MANBA: variants seen among roughly 807,000 people sequenced by gnomAD.
MANBA encodes beta-mannosidase.
In MANBA, 83 loss-of-function variants were observed where a neutral mutation model predicts 111.1. That is an observed-to-expected ratio of 0.75 (90% CI 0.63 to 0.90). The LOEUF is 0.90. MANBA is among the 40% of genes least tolerant of loss of function. The pLI is 0.00. For synonymous variants in MANBA, 370 were observed against 378.7 expected, an observed-to-expected ratio of 0.98 and a Z score of 0.27; for missense variants, 1,036 against 1,069.0, an observed-to-expected ratio of 0.97 and a Z score of 0.43.
intron 6 of MANBA, among the ~76,000 whole-genome samples, chr4:102,690,096 CT>C (rs1166394946): frequency 3.9e-5 from 6 of 151,910 alleles, no homozygotes; most frequent in Non-Finnish European, 7.4e-5. Flanking sequence ...TTTGCTCCAC[CT>C]TTTTCAGTAC....
chr4:102,722,049 A>G (rs1053281953), intron 4 of MANBA, among the ~76,000 whole-genome samples: 4 of 144,130 alleles, frequency 2.8e-5, no homozygotes, highest in African/African-American at 1.1e-4. Context: ...AAAAAAAAAA[A>G]AGAGAAAGAA....
intron 5 of MANBA, among the ~76,000 whole-genome samples, chr4:102,699,405 A>G (rs941405116): frequency 6.6e-6 from 1 of 152,020 alleles, no homozygotes; most frequent in Non-Finnish European, 1.5e-5. Flanking sequence ...TTGAATAGGA[A>G]TGGTGAGAGA....
intron 1 of MANBA, among the ~76,000 whole-genome samples, chr4:102,732,405 G>A (rs1723062939): frequency 6.6e-6 from 1 of 152,212 alleles, no homozygotes; most frequent in Non-Finnish European, 1.5e-5. Context: ...AAGTCAAGAA[G>A]GAAAAGCCAA....
In MANBA at chr4:102,673,933, T is replaced by C; in HGVS notation, c.1098A>G (p.Arg366=). ...CAATAACTTACAACTCAGAGGTTAC[T>C]CGGTCCTGGAATGAATCTGCTGGGA... is the stretch of plus-strand genomic sequence containing the variant. ...NWIPADSFQD[R]VTSELLRLLL... The change falls in exon 8 of 17, where the codon CGA becomes CGG. Residue 366 remains arginine, a synonymous_variant. Coordinates refer to ENST00000647097, the MANE Select transcript of MANBA (RefSeq NM_005908.4). 6.2e-7 allele frequency: 1 copy of C among 1,611,032 alleles called. No individual in the cohort carries two copies. The highest frequency in any genetic ancestry group is 1.1e-5 in the South Asian group (1 of 91,008).
rs753761337 is a variant in MANBA at position 102,689,604 on chromosome 4, A to G, written c.930T>C (p.Asp310=). Residue 310 remains aspartate (D), a synonymous_variant, in exon 7 of 17, where the codon GAT becomes GAC. Transcript: ENST00000647097. ...CTGATTTTTCAATATTTAAGCCTCC[A>G]TCCAGTTCAAAAAGAACAGTCATGT... is the stretch of plus-strand genomic sequence containing the variant. ...GYNMTVLFEL[D]GGLNIEKSAK... 3 of 1,607,328 alleles carry G rather than the reference A, an allele frequency of 1.9e-6. No individual in the cohort carries two copies. The South Asian group carries it at 3.3e-5, about 18-fold the overall frequency.
chr4:102,700,642 G>A (rs1291145211), intron 5 of MANBA, among the ~76,000 whole-genome samples: 1 of 152,158 alleles, frequency 6.6e-6, no homozygotes, highest in East Asian at 1.9e-4. Flanking sequence ...GGAGCAGGTT[G>A]TTCAGTTTCC....
At chr4:102,708,009 G>A (rs1350681068) in intron 5 of MANBA, among the ~76,000 whole-genome samples, 1 of 152,024 alleles carries the variant, frequency 6.6e-6, no homozygotes, top group African/African-American at 2.4e-5. Context: ...CCAGATTCAT[G>A]AAGCAAATAT....
chr4:102,686,597 A>G (rs922552678), intron 7 of MANBA, among the ~76,000 whole-genome samples: 1 of 152,154 alleles, frequency 6.6e-6, no homozygotes. Flanking sequence ...TTGCCACCAA[A>G]TCTAAAGAAT....
Position 102,723,977 on chromosome 4 carries a change from AG to A in MANBA, c.273-11del, listed in dbSNP as rs747141388. 12 of 1,513,880 alleles carry A rather than the reference AG, an allele frequency of 7.9e-6. No individual in the cohort carries two copies. The African/African-American group carries it at 1.4e-4, about 17-fold the overall frequency. The allele number at this position is 1,513,880 out of a possible 1,614,324, so 93.8% of individuals were successfully genotyped here. A position where few individuals can be genotyped will look rare whatever the true frequency, so the allele number is the denominator to read the frequency against. On this transcript the variant is annotated splice_polypyrimidine_tract_variant and intron_variant, in intron 2 of 16. Transcript: ENST00000647097. ...TACTTTTTGCCATTTGCTAAAAAAA[AG>A]AAAAGATTTTTAAAACAAGATGTGT...
intron 1 of MANBA, chr4:102,729,863 G>C: frequency 6.6e-7 from 1 of 1,506,954 alleles, no homozygotes; most frequent in Admixed American, 1.7e-5. Context: ...CTATGAAGGA[G>C]GCAAACTTGT....
chr4:102,655,296 GCA>G (rs1730514448), intron 12 of MANBA, among the ~76,000 whole-genome samples: 3 of 152,000 alleles, frequency 2.0e-5, no homozygotes, highest in African/African-American at 7.2e-5. Context: ...TAGCTTTTCT[GCA>G]GAAATTGGCA....
intron 5 of MANBA, among the ~76,000 whole-genome samples, chr4:102,697,503 C>T (rs1182876416): frequency 1.8e-5 from 2 of 113,708 alleles, no homozygotes; most frequent in Non-Finnish European, 3.5e-5. Flanking sequence ...GCTATCCCTC[C>T]CCCCTCCCCC....
At chr4:102,640,900 C>T (rs1729852092) in intron 13 of MANBA, among the ~76,000 whole-genome samples, 1 of 152,046 alleles carries the variant, frequency 6.6e-6, no homozygotes, top group East Asian at 1.9e-4. Context: ...AAATTGTGGT[C>T]AGTCAATAAA....
At chr4:102,745,915 G>A (rs537657663) in intron 1 of MANBA, among the ~76,000 whole-genome samples, 1 of 152,302 alleles carries the variant, frequency 6.6e-6, no homozygotes, top group South Asian at 2.1e-4. Context: ...ACCTCTAGGG[G>A]TCTGCTGGGA....
chr4:102,650,414 T>C lies in MANBA; in HGVS notation c.1869+123A>G, dbSNP rs1730279379. On this transcript the variant is annotated intron_variant, in intron 13 of 16. Coordinates refer to ENST00000647097, the MANE Select transcript of MANBA (RefSeq NM_005908.4). ...CATCATATATGTTCTTTGAAGAAAA[T>C]AAATTCCTTAACCAGTGGAATGAAA... 3.0e-6 allele frequency: 3 copies of C among 1,003,460 alleles called. No individual in the cohort carries two copies. In the Admixed American group the frequency reaches 5.8e-5, roughly 19 times the overall value. 62.2% of individuals were successfully genotyped at this position (1,003,460 alleles called of 1,614,324 possible).
intron 8 of MANBA, among the ~76,000 whole-genome samples, chr4:102,672,832 C>T (rs1290590474): frequency 1.3e-5 from 2 of 152,082 alleles, no homozygotes; most frequent in African/African-American, 4.8e-5. Context: ...AGTTTCATTC[C>T]AAAACTATCC....
intron 1 of MANBA, chr4:102,734,359 T>C: frequency 2.5e-6 from 4 of 1,608,508 alleles, no homozygotes; most frequent in Non-Finnish European, 3.4e-6. Context: ...ACTTGGGCCA[T>C]GGCCTCTGAC....
In MANBA at chr4:102,631,106, T is replaced by G. The variant is rs13112561; in HGVS notation, c.*951A>C. The G allele has an allele frequency of 0.059, 4,277 of 73,068 alleles. 185 individuals carry two copies. The highest frequency in any genetic ancestry group is 0.11 in the Middle Eastern group (12 of 114). The allele number at this position is 73,068 out of a possible 1,614,324, so 4.5% of individuals were successfully genotyped here. ...GTCCCCTTATCCCCTTGATAAGGCT[T>G]TGTGTGTGTGTGTGTGTGTGTGTGT... On this transcript the variant is annotated 3_prime_UTR_variant, in exon 17 of 17. Transcript: ENST00000647097.
intron 1 of MANBA, among the ~76,000 whole-genome samples, chr4:102,737,991 A>C (rs1363706776): frequency 6.6e-6 from 1 of 152,180 alleles, no homozygotes; most frequent in Non-Finnish European, 1.5e-5. Flanking sequence ...AAGACAAATG[A>C]CATAAACCCT....
Sources: allele counts gnomAD v4.1 joint callset (sites outside exome capture counted in the v4.1 genomes callset), GRCh38; gene constraint gnomAD v4.1.1; transcripts MANE v1.5; gene names NCBI Gene and HGNC (gene_info 2026-07-23, HGNC 2026-07-21).